The following BCAS4 variants were observed in gnomAD, a reference collection of about 807,000 sequenced individuals.
The protein encoded by BCAS4 is breast carcinoma amplified sequence 4.
In BCAS4, 9 loss-of-function variants were observed where a neutral mutation model predicts 15.7. That is an observed-to-expected ratio of 0.57 (90% CI 0.34 to 1.00). The LOEUF (loss-of-function observed/expected upper bound fraction) is 1.00. BCAS4 is among the 50% of genes least tolerant of loss of function. BCAS4 has a pLI of 0.02. For missense variants in BCAS4, 225 were observed against 239.1 expected, an observed-to-expected ratio of 0.94 and a Z score of 0.39; for synonymous variants, 101 against 99.5, an observed-to-expected ratio of 1.02 and a Z score of -0.09.
At chr20:50,804,898 C>T (rs1308777973) in intron 1 of BCAS4, among the ~76,000 whole-genome samples, 1 of 152,164 alleles carries the variant, frequency 6.6e-6, no homozygotes, top group East Asian at 1.9e-4. Context: ...TCCTGGTTTG[C>T]AGTTCAAACC....
chr20:50,800,854 G>A (rs987858493), intron 1 of BCAS4, among the ~76,000 whole-genome samples: 1 of 151,996 alleles, frequency 6.6e-6, no homozygotes, highest in African/African-American at 2.4e-5. Context: ...GAGCCACCGC[G>A]CCTGGCGAAC....
chr20:50,856,180 G>T (rs1411287412), intron 4 of BCAS4, among the ~76,000 whole-genome samples: 4 of 152,238 alleles, frequency 2.6e-5, no homozygotes, highest in East Asian at 3.9e-4. Context: ...GTTTGTCAGT[G>T]CAGACTCCTG....
At chr20:50,796,301 G>A (rs1326339126) in intron 1 of BCAS4, among the ~76,000 whole-genome samples, 1 of 145,704 alleles carries the variant, frequency 6.9e-6, no homozygotes, top group African/African-American at 2.5e-5. Context: ...CCTGGGAGGC[G>A]GAGGCTGCAG....
chr20:50,810,543 G>T (rs950919273), intron 1 of BCAS4, among the ~76,000 whole-genome samples: 4 of 151,646 alleles, frequency 2.6e-5, no homozygotes, highest in Non-Finnish European at 5.9e-5. Flanking sequence ...TGGTGGGGAA[G>T]ATGACAGGAA....
At chr20:50,823,849 T>G (rs760151052) in intron 2 of BCAS4, among the ~76,000 whole-genome samples, 32 of 152,090 alleles carry the variant, frequency 2.1e-4, no homozygotes, top group Admixed American at 1.4e-3. Flanking sequence ...ATTCTATATC[T>G]TAGTCTGGGT....
chr20:50,875,212 A>T (rs572708926), intron 4 of BCAS4, among the ~76,000 whole-genome samples: 2 of 152,202 alleles, frequency 1.3e-5, no homozygotes, highest in Non-Finnish European at 2.9e-5. Context: ...ATTCCAGCGC[A>T]TGGCCAGGTT....
intron 4 of BCAS4, among the ~76,000 whole-genome samples, chr20:50,842,129 T>C (rs748426468): frequency 3.3e-5 from 5 of 152,200 alleles, no homozygotes; most frequent in Non-Finnish European, 4.4e-5. Flanking sequence ...GCCTACTGTT[T>C]GCTGAGTGCC....
chr20:50,852,815 T>C (rs1296576602), intron 4 of BCAS4, among the ~76,000 whole-genome samples: 1 of 152,236 alleles, frequency 6.6e-6, no homozygotes, highest in Non-Finnish European at 1.5e-5. Flanking sequence ...GCCTTGGCAA[T>C]GATCTGCAGT....
intron 4 of BCAS4, 32 bp downstream of exon 4, chr20:50,841,932 G>A (rs776554277): frequency 3.9e-6 from 6 of 1,533,556 alleles, no homozygotes; most frequent in East Asian, 2.3e-5. Context: ...GTGAGGGGAG[G>A]GCCTCTCCCC....
In BCAS4 at chr20:50,830,261, C is replaced by G. The variant is rs200036541; in HGVS notation, c.163-18C>G. The G allele has an allele frequency of 1.5e-4, 239 of 1,602,876 alleles. 2 individuals are homozygous for G. In the African/African-American group the frequency reaches 2.9e-3, roughly 19 times the overall value. On this transcript the variant is annotated intron_variant, in intron 2 of 4. Coordinates refer to ENST00000371608, the MANE Select transcript of BCAS4 (RefSeq NM_198799.4). ...GTGATGGGGCAGAAGGCCTGATGAGCTGTTTTGTTCCTTGCAGATCAGGAG... is the reference window on the plus strand; with the variant it reads ...GTGATGGGGCAGAAGGCCTGATGAGGTGTTTTGTTCCTTGCAGATCAGGAG...
At chr20:50,829,697 A>G (rs766917834) in intron 2 of BCAS4, among the ~76,000 whole-genome samples, 10 of 152,098 alleles carry the variant, frequency 6.6e-5, no homozygotes, top group Middle Eastern at 3.4e-3. Flanking sequence ...TCAGCGTCTG[A>G]TATCAGTGAT....
At position 50,876,068 on chromosome 20, in the gene BCAS4, C is replaced by T. The variant is rs762515527; in HGVS notation, c.400-418C>T. 6.8e-4 allele frequency: 309 copies of T among 454,578 alleles called. 3 individuals are homozygous for T. Among genetic ancestry groups the T allele is most frequent in the Middle Eastern group, 1.6e-3 (4 of 2,560 alleles). The allele number at this position is 454,578 out of a possible 1,614,324, so 28.2% of individuals were successfully genotyped here. A position where few individuals can be genotyped will look rare whatever the true frequency, so the allele number is the denominator to read the frequency against. On this transcript the variant is annotated intron_variant, in intron 4 of 4. Transcript: ENST00000371608. The stretch of plus-strand genomic sequence containing the variant: ...CGGGTTCAAGTGATTCTCCTGCCTC[C>T]GCCTCCCAAGTAGCTGGGATTACAG...
chr20:50,797,389 C>T (rs1467066125), intron 1 of BCAS4, among the ~76,000 whole-genome samples: 1 of 151,868 alleles, frequency 6.6e-6, no homozygotes, highest in African/African-American at 2.4e-5. Flanking sequence ...TGAATTATAT[C>T]TCAATTTAAA....
chr20:50,807,906 T>G (rs1023589315), intron 1 of BCAS4, among the ~76,000 whole-genome samples: 2 of 150,206 alleles, frequency 1.3e-5, no homozygotes, highest in African/African-American at 4.9e-5. Flanking sequence ...CATATTCTTT[T>G]TTTTTTTTTT....
intron 1 of BCAS4, among the ~76,000 whole-genome samples, chr20:50,796,785 C>A (rs1986961): frequency 6.6e-6 from 1 of 151,176 alleles, no homozygotes; most frequent in African/African-American, 2.4e-5. Context: ...TAAGCCACAG[C>A]GCCCAGCCAT....
intron 4 of BCAS4, among the ~76,000 whole-genome samples, chr20:50,855,350 G>A (rs191109249): frequency 1.7e-3 from 257 of 152,054 alleles, no homozygotes; most frequent in African/African-American, 5.8e-3. Context: ...TTGTCTCTGC[G>A]TCTCTCCATG....
intron 4 of BCAS4, among the ~76,000 whole-genome samples, chr20:50,855,560 C>A (rs1978710358): frequency 6.6e-6 from 1 of 152,048 alleles, no homozygotes; most frequent in South Asian, 2.1e-4. Context: ...TTCCTGGGAC[C>A]CCTTCCTCCT....
At chr20:50,876,139 C>G (rs1303319800) in intron 4 of BCAS4, 2 of 400,586 alleles carry the variant, frequency 5.0e-6, no homozygotes, top group Non-Finnish European at 9.8e-6. Flanking sequence ...TTAGTAGAGA[C>G]AGGCTTTGAC....
intron 4 of BCAS4, among the ~76,000 whole-genome samples, chr20:50,857,394 G>A (rs894845492): frequency 6.6e-6 from 1 of 152,188 alleles, no homozygotes; most frequent in Admixed American, 6.5e-5. Flanking sequence ...GCCTCCCAAA[G>A]TGCTGGGATT....
Sources: gnomAD v4.1 joint callset for allele counts (sites outside exome capture counted in the v4.1 genomes callset) on GRCh38, gnomAD v4.1.1 for gene constraint, MANE v1.5 for transcripts, NCBI Gene and HGNC (gene_info 2026-07-23, HGNC 2026-07-21) for gene names.